NLGN1: variants seen among roughly 807,000 people sequenced by gnomAD.
The protein encoded by NLGN1 is neuroligin 1.
Under a neutral mutation model 65.5 loss-of-function variants are expected in NLGN1, and 12 were observed. The observed-to-expected ratio is 0.18, with a 90% CI of 0.12 to 0.30. NLGN1 has a LOEUF of 0.30. Ranked by LOEUF, NLGN1 falls within the 10% of genes least tolerant of loss-of-function variation. The pLI, the probability that NLGN1 is intolerant of heterozygous loss-of-function variation, is 1.00. For missense variants in NLGN1, 750 were observed against 1,007.1 expected, an observed-to-expected ratio of 0.74 and a Z score of 3.46; for synonymous variants, 350 against 359.5, an observed-to-expected ratio of 0.97 and a Z score of 0.30.
chr3:173,718,919 A>G (rs1054858463), intron 3 of NLGN1, among the ~76,000 whole-genome samples: 11 of 152,342 alleles, frequency 7.2e-5, no homozygotes, highest in African/African-American at 2.4e-4. Context: ...TTGAATCACT[A>G]AATAAAATAG....
intron 4 of NLGN1, among the ~76,000 whole-genome samples, chr3:173,863,007 A>G (rs772220122): frequency 1.3e-5 from 2 of 152,192 alleles, no homozygotes; most frequent in African/African-American, 2.4e-5. Flanking sequence ...GGTGGTATAT[A>G]GTAGTTGTGC....
chr3:173,853,392 TA>T (rs1010484707), intron 4 of NLGN1, among the ~76,000 whole-genome samples: 5 of 152,212 alleles, frequency 3.3e-5, no homozygotes. Context: ...AACTGATTTT[TA>T]TTCAATGCTC....
At chr3:173,638,536 G>C (rs1756945677) in intron 3 of NLGN1, among the ~76,000 whole-genome samples, 1 of 151,974 alleles carries the variant, frequency 6.6e-6, no homozygotes, top group Non-Finnish European at 1.5e-5. Flanking sequence ...ATCACCTGCT[G>C]AGCATGTGAG....
At chr3:173,805,179 G>T (rs1194201137) in intron 3 of NLGN1, among the ~76,000 whole-genome samples, 1 of 152,032 alleles carries the variant, frequency 6.6e-6, no homozygotes, top group African/African-American at 2.4e-5. Context: ...TTATGTCCAA[G>T]AATTTTACCT....
chr3:174,211,456 G>T (rs7637605), intron 4 of NLGN1, among the ~76,000 whole-genome samples: 15,141 of 151,686 alleles, frequency 0.1, 1,600 homozygotes, highest in African/African-American at 0.27. Context: ...GATACAGAGT[G>T]TCGGTTGTTG....
At chr3:173,513,857 C>A (rs1733387781) in intron 2 of NLGN1, among the ~76,000 whole-genome samples, 1 of 151,922 alleles carries the variant, frequency 6.6e-6, no homozygotes, top group African/African-American at 2.4e-5. Flanking sequence ...GAAACCCCGT[C>A]TCTACTAAAA....
chr3:174,240,351 G>T (rs6445162), intron 4 of NLGN1, among the ~76,000 whole-genome samples: 1 of 151,860 alleles, frequency 6.6e-6, no homozygotes, highest in South Asian at 2.1e-4. Flanking sequence ...ATATAAAATT[G>T]GAATATAAGT....
intron 2 of NLGN1, among the ~76,000 whole-genome samples, chr3:173,590,774 G>A (rs1748350831): frequency 6.6e-6 from 1 of 152,084 alleles, no homozygotes. Context: ...TCCAAAGGGA[G>A]GAAGGATTCT....
At chr3:174,086,183 ATGTG>A (rs140331992) in intron 4 of NLGN1, among the ~76,000 whole-genome samples, 15 of 143,904 alleles carry the variant, frequency 1.0e-4, no homozygotes, top group South Asian at 2.2e-4. Context: ...AAGTATATAT[ATGTG>A]TGTGTGTGTG....
chr3:173,596,513 T>C (rs1749514643), intron 2 of NLGN1, among the ~76,000 whole-genome samples: 1 of 152,220 alleles, frequency 6.6e-6, no homozygotes, highest in Non-Finnish European at 1.5e-5. Flanking sequence ...TAATTATCTG[T>C]TACAAGAAGA....
intron 4 of NLGN1, among the ~76,000 whole-genome samples, chr3:174,100,505 G>A (rs1712180405): frequency 6.6e-6 from 1 of 150,608 alleles, no homozygotes; most frequent in Non-Finnish European, 1.5e-5. Flanking sequence ...CCCTTTCAGT[G>A]TGGCCCACAA....
At chr3:173,955,920 C>T (rs936890366) in intron 4 of NLGN1, among the ~76,000 whole-genome samples, 6 of 151,440 alleles carry the variant, frequency 4.0e-5, no homozygotes, top group Admixed American at 6.6e-5. Context: ...GAGGTCATTC[C>T]GAATACACAA....
intron 4 of NLGN1, among the ~76,000 whole-genome samples, chr3:174,213,622 C>G (rs1737089320): frequency 6.6e-6 from 1 of 152,158 alleles, no homozygotes; most frequent in African/African-American, 2.4e-5. Flanking sequence ...CCAGTGTCTG[C>G]ACTTTGCATT....
At chr3:173,993,663 G>GATAC (rs1332058844) in intron 4 of NLGN1, among the ~76,000 whole-genome samples, 2 of 148,076 alleles carry the variant, frequency 1.4e-5, no homozygotes, top group East Asian at 3.9e-4. Flanking sequence ...ATGATAGATA[G>GATAC]ATAGATAGAT....
chr3:173,609,106 T>C (rs1751857529), intron 3 of NLGN1, among the ~76,000 whole-genome samples: 1 of 151,914 alleles, frequency 6.6e-6, no homozygotes, highest in Non-Finnish European at 1.5e-5. Context: ...TATTAGACAG[T>C]AAACATGAGA....
chr3:173,506,236 A>T (rs536063837), intron 2 of NLGN1, among the ~76,000 whole-genome samples: 1 of 152,156 alleles, frequency 6.6e-6, no homozygotes, highest in African/African-American at 2.4e-5. Context: ...TCGACATACT[A>T]AAGGTGAGGG....
intron 4 of NLGN1, among the ~76,000 whole-genome samples, chr3:174,018,783 G>A (rs1727139501): frequency 6.6e-6 from 1 of 152,118 alleles, no homozygotes. Context: ...AAGTTCAGGA[G>A]TTGATACTGC....
intron 4 of NLGN1, among the ~76,000 whole-genome samples, chr3:173,870,420 T>G (rs1730954700): frequency 6.6e-6 from 1 of 152,210 alleles, no homozygotes; most frequent in South Asian, 2.1e-4. Flanking sequence ...CCTGGGAAAT[T>G]AAAAAGAACT....
chr3:173,497,710 T>C (rs1730266190), intron 2 of NLGN1, among the ~76,000 whole-genome samples: 1 of 151,934 alleles, frequency 6.6e-6, no homozygotes, highest in East Asian at 1.9e-4. Flanking sequence ...CAAATTGATA[T>C]TCTATTAAAA....
Sources: allele counts gnomAD v4.1 joint callset (sites outside exome capture counted in the v4.1 genomes callset), GRCh38; gene constraint gnomAD v4.1.1; transcripts MANE v1.5; gene names NCBI Gene and HGNC (gene_info 2026-07-23, HGNC 2026-07-21).